The following LRRC71 variants were observed in gnomAD, a reference collection of about 807,000 sequenced individuals.
LRRC71 encodes the protein leucine-rich repeat-containing protein 71.
A neutral mutation model predicts 66.6 loss-of-function variants in LRRC71; 54 were observed. That is an observed-to-expected ratio of 0.81 (90% CI 0.65 to 1.02). The LOEUF (loss-of-function observed/expected upper bound fraction) is 1.02. LRRC71 is among the 50% of genes least tolerant of loss of function. The probability of loss-of-function intolerance (pLI) is 0.00; values close to 1 mark genes in which losing one functional copy is unlikely to be tolerated. For synonymous variants in LRRC71, 323 were observed against 303.9 expected (o/e 1.06, Z -0.65); for missense variants, 724 against 718.0 (o/e 1.01, Z -0.10).
chr1:156,930,391 C>A, intron 11 of LRRC71, 138 bp from the exon 12 acceptor site: 1 of 665,886 alleles, frequency 1.5e-6, no homozygotes, highest in Non-Finnish European at 2.7e-6. Context: ...CAGCGCCCAG[C>A]CCCCTCCAGC....
At chr1:156,937,299 T>C (rs144152945), downstream of LRRC71, 1 of 1,613,964 alleles carries the variant, frequency 6.2e-7, no homozygotes, top group East Asian at 2.2e-5. Flanking sequence ...TGGAAGATCA[T>C]GCCCACGTCC....
chr1:156,922,820 G>T (rs1301011164), intron 1 of LRRC71, among the ~76,000 whole-genome samples: 1 of 152,160 alleles, frequency 6.6e-6, no homozygotes, highest in East Asian at 1.9e-4. Flanking sequence ...GGCTCTCCAG[G>T]TGATTTTTAA....
the LRRC71 span, chr1:156,938,536 AG>A: frequency 6.2e-7 from 1 of 1,607,782 alleles, no homozygotes; most frequent in East Asian, 2.2e-5. Flanking sequence ...CACCACCACC[AG>A]GAAGAGGAGA....
chr1:156,938,526 C>T, the LRRC71 span: 1 of 1,610,508 alleles, frequency 6.2e-7, no homozygotes, highest in South Asian at 1.1e-5. Flanking sequence ...GCACCGACAC[C>T]ACCACCACCA....
the LRRC71 span, chr1:156,939,213 T>G: frequency 3.1e-6 from 1 of 321,684 alleles, no homozygotes; most frequent in East Asian, 9.5e-5. Flanking sequence ...GAACAGGAGA[T>G]CAGTGAGGAG....
the LRRC71 span, chr1:156,939,995 A>G: frequency 6.4e-7 from 1 of 1,558,094 alleles, no homozygotes; most frequent in South Asian, 1.2e-5. Context: ...ACTGACCCCA[A>G]GGTGGTGACC....
At chr1:156,928,553 C>T (rs1653770207) in intron 9 of LRRC71, among the ~76,000 whole-genome samples, 1 of 134,154 alleles carries the variant, frequency 7.5e-6, no homozygotes, top group Non-Finnish European at 1.6e-5. Flanking sequence ...TTTCTTCTTT[C>T]TTCTTCTTAC....
downstream of LRRC71, chr1:156,933,211 T>C: frequency 4.4e-6 from 2 of 456,536 alleles, no homozygotes; most frequent in Non-Finnish European, 3.9e-6. Context: ...CTGGGGATGA[T>C]CTCAGCTCCT....
chr1:156,931,828 A>G, intron 12 of LRRC71, 88 bp from the exon 13 acceptor site: 1 of 1,091,490 alleles, frequency 9.2e-7, no homozygotes, highest in Non-Finnish European at 1.4e-6. Flanking sequence ...CCGGCAGTCA[A>G]AACATGTATG....
intron 12 of LRRC71, among the ~76,000 whole-genome samples, chr1:156,931,273 C>T (rs1411716754): frequency 1.3e-5 from 2 of 152,200 alleles, no homozygotes; most frequent in Non-Finnish European, 2.9e-5. Flanking sequence ...ACTCCCTGCA[C>T]ACCCTAGGCA....
At chr1:156,930,363 G>T (rs1304761438) in intron 11 of LRRC71, among the ~76,000 whole-genome samples, 166 bp from the exon 12 acceptor site, 1 of 151,222 alleles carries the variant, frequency 6.6e-6, no homozygotes, top group Non-Finnish European at 1.5e-5. Flanking sequence ...AAAGTGCTGG[G>T]ATTACAGGTG....
intron 14 of LRRC71, 35 bp from the exon 15 acceptor site, chr1:156,932,818 C>A: frequency 1.3e-6 from 2 of 1,565,272 alleles, no homozygotes; most frequent in South Asian, 2.3e-5. Flanking sequence ...ATCTTCATTC[C>A]TCTTGTCAGA....
chr1:156,927,654 A>T lies in LRRC71; in HGVS notation c.821A>T (p.Asp274Val), dbSNP rs1653419110. 1 of 1,606,588 alleles carries T rather than the reference A, an allele frequency of 6.2e-7. No individual in the cohort carries two copies. Among genetic ancestry groups the T allele is most frequent in the Admixed American group, 1.7e-5 (1 of 59,688 alleles). Residue 274 changes from aspartate to valine, a missense_variant and splice_region_variant, in exon 7 of 15, where the codon GAC becomes GTC. Physicochemically the swap from Asp to Val is radical, Grantham distance 152 (BLOSUM62 -3). Coordinates refer to ENST00000337428, the MANE Select transcript of LRRC71 (RefSeq NM_144702.3). ...IGDEGAGYIADGLRLNRSLLW... is the reference protein window; with the variant it reads ...IGDEGAGYIAVGLRLNRSLLW... ...GACGAGGGCGCAGGCTACATCGCGGACGTGAGTGCACGGCGGGGAGGGACC... is the reference window on the plus strand; with the variant it reads ...GACGAGGGCGCAGGCTACATCGCGGTCGTGAGTGCACGGCGGGGAGGGACC...
rs1361247473 is a variant in LRRC71, at chr1:156,920,634, T to A, written c.-170T>A. 2.4e-6 allele frequency: 2 copies of A among 816,832 alleles called. No homozygotes were observed. Among genetic ancestry groups the A allele is most frequent in the African/African-American group, 3.6e-5 (2 of 55,986 alleles). The allele number at this position is 816,832 out of a possible 1,614,324, so 50.6% of individuals were successfully genotyped here. A position where few individuals can be genotyped will look rare whatever the true frequency, so the allele number is the denominator to read the frequency against. On this transcript the variant is annotated 5_prime_UTR_variant, in exon 1 of 15. Coordinates refer to ENST00000337428, the MANE Select transcript of LRRC71 (RefSeq NM_144702.3). The surrounding 1 kb of genome is among the most constrained non-coding windows in gnomAD (Gnocchi z 4.9). ...CTCGGGCCCGCCCGCCTCGCGCGGTTGTCTTGGAGAGGGACGCGTAGGCTA... is the reference window on the plus strand; with the variant it reads ...CTCGGGCCCGCCCGCCTCGCGCGGTAGTCTTGGAGAGGGACGCGTAGGCTA...
At chr1:156,922,051 A>G (rs1210239367) in intron 1 of LRRC71, among the ~76,000 whole-genome samples, 1 of 152,102 alleles carries the variant, frequency 6.6e-6, no homozygotes, top group Non-Finnish European at 1.5e-5. Context: ...GGAAAGGCCA[A>G]AGGAGGTGCA....
downstream of LRRC71, chr1:156,937,169 G>A (rs1436628036): frequency 2.5e-6 from 4 of 1,596,464 alleles, no homozygotes; most frequent in South Asian, 1.1e-5. Context: ...CTCCCGCGAA[G>A]ACACACATCT....
At chr1:156,927,711 C>A in intron 7 of LRRC71, 22 bp from the exon 8 acceptor site, 1 of 1,606,256 alleles carries the variant, frequency 6.2e-7, no homozygotes, top group Non-Finnish European at 8.5e-7. Context: ...GGGCGGCTCA[C>A]GCGTCCCTGC....
rs767696360 is a variant in LRRC71 at position 156,929,371 on chromosome 1, A to G, written c.1088A>G (p.Asp363Gly). Residue 363 changes from aspartate to glycine, a missense_variant, in exon 10 of 15, where the codon GAC (aspartate) becomes GGC (glycine). Coordinates refer to ENST00000337428, the MANE Select transcript of LRRC71 (RefSeq NM_144702.3). ...AATAGTGCATTGGTGGACAAGACAG[A>G]CAAGACGCAGACAATGAAAACCCCT... Reference protein sequence around the residue: ...ISNSALVDKTDKTQTMKTPKG... With the variant: ...ISNSALVDKTGKTQTMKTPKG... The G allele has an allele frequency of 3.1e-6, 5 of 1,613,728 alleles. No individual in the cohort carries two copies. Among genetic ancestry groups the G allele is most frequent in the Non-Finnish European group, 3.4e-6 (4 of 1,179,844 alleles).
chr1:156,936,745 T>G, downstream of LRRC71: 2 of 1,510,084 alleles, frequency 1.3e-6, no homozygotes, highest in Admixed American at 3.8e-5. Flanking sequence ...CACTGCTTAG[T>G]GATGTGTCCT....
Sources: allele counts gnomAD v4.1 joint callset (sites outside exome capture counted in the v4.1 genomes callset), GRCh38; gene constraint gnomAD v4.1.1; non-coding constraint Gnocchi (gnomAD v3.1); transcripts MANE v1.5; gene names NCBI Gene and HGNC (gene_info 2026-07-23, HGNC 2026-07-21).